The following TMEM108 variants were observed in gnomAD, a reference collection of about 807,000 sequenced individuals.
TMEM108 encodes the protein transmembrane protein 108, also known as cancer/testis antigen 124.
Under a neutral mutation model 35.1 loss-of-function variants are expected in TMEM108, and 12 were observed. That is an observed-to-expected ratio of 0.34 (90% CI 0.22 to 0.55). The LOEUF is 0.55. Ranked by LOEUF, TMEM108 falls within the 20% of genes least tolerant of loss-of-function variation. TMEM108 has a pLI of 0.89. For missense variants in TMEM108, 680 were observed against 753.3 expected (o/e 0.90, Z 1.14); for synonymous variants, 287 against 308.6 (o/e 0.93, Z 0.73).
chr3:133,106,767 C>G (rs1163479426), intron 2 of TMEM108, among the ~76,000 whole-genome samples: 1 of 152,208 alleles, frequency 6.6e-6, no homozygotes, highest in Non-Finnish European at 1.5e-5. Context: ...ATCATGAAAG[C>G]AGATATTCCA....
intron 3 of TMEM108, among the ~76,000 whole-genome samples, chr3:133,235,272 C>A (rs1490057028): frequency 2.0e-5 from 3 of 151,970 alleles, no homozygotes; most frequent in Admixed American, 2.0e-4. Flanking sequence ...CATATGGAAC[C>A]AAAAAAGAGC....
At chr3:133,215,780 T>G (rs1945899141) in intron 2 of TMEM108, among the ~76,000 whole-genome samples, 1 of 152,162 alleles carries the variant, frequency 6.6e-6, no homozygotes, top group Admixed American at 6.5e-5. Context: ...TTCCTAGTGC[T>G]TTTATGCTTT....
intron 3 of TMEM108, among the ~76,000 whole-genome samples, chr3:133,322,968 G>T (rs2107720887): frequency 6.6e-6 from 1 of 152,194 alleles, no homozygotes; most frequent in African/African-American, 2.4e-5. Context: ...CATCCTTTAT[G>T]ATTAAAACCC....
intron 3 of TMEM108, among the ~76,000 whole-genome samples, chr3:133,285,284 C>T (rs1009507075): frequency 6.6e-6 from 1 of 152,130 alleles, no homozygotes. Context: ...TAAAAGCAAT[C>T]GCTGATTTTG....
chr3:133,283,199 G>T (rs148160921), intron 3 of TMEM108, among the ~76,000 whole-genome samples: 1 of 152,126 alleles, frequency 6.6e-6, no homozygotes, highest in African/African-American at 2.4e-5. Flanking sequence ...GGTGGCGGTG[G>T]TTTATATCTA....
chr3:133,164,012 T>C (rs1030222934), intron 2 of TMEM108, among the ~76,000 whole-genome samples: 1 of 152,210 alleles, frequency 6.6e-6, no homozygotes, highest in Non-Finnish European at 1.5e-5. Flanking sequence ...TGCCCTTACC[T>C]AGGTTTCCAT....
intron 2 of TMEM108, among the ~76,000 whole-genome samples, chr3:133,196,204 G>A (rs943087661): frequency 1.3e-5 from 2 of 152,124 alleles, no homozygotes; most frequent in Non-Finnish European, 2.9e-5. Context: ...TTTGAAGGAG[G>A]TCACACTGGC....
intron 2 of TMEM108, among the ~76,000 whole-genome samples, chr3:133,114,662 G>C (rs991039141): frequency 4.6e-5 from 7 of 152,020 alleles, no homozygotes; most frequent in Admixed American, 1.3e-4. Context: ...AATGAGGGTT[G>C]CTTGTATTCA....
intron 5 of TMEM108, among the ~76,000 whole-genome samples, chr3:133,394,094 A>G (rs1156771652): frequency 6.6e-6 from 1 of 152,224 alleles, no homozygotes; most frequent in African/African-American, 2.4e-5. Flanking sequence ...GGCTCACACT[A>G]TATGAGGGTA....
chr3:133,087,168 T>C (rs968357546), intron 2 of TMEM108, among the ~76,000 whole-genome samples: 4 of 152,186 alleles, frequency 2.6e-5, no homozygotes, highest in Admixed American at 2.0e-4. Context: ...TCCCTTGTCA[T>C]GTCCTCCGAC....
chr3:133,042,280 T>A (rs1943285096), intron 1 of TMEM108, among the ~76,000 whole-genome samples: 1 of 152,238 alleles, frequency 6.6e-6, no homozygotes, highest in African/African-American at 2.4e-5. Flanking sequence ...GTTCCCATCC[T>A]ATGGCTTAGG....
chr3:133,109,348 C>G (rs906505814), intron 2 of TMEM108, among the ~76,000 whole-genome samples: 3 of 152,032 alleles, frequency 2.0e-5, no homozygotes, highest in Non-Finnish European at 4.4e-5. Flanking sequence ...TGAGGTACTG[C>G]CAGGCATAGT....
At chr3:133,210,085 A>C (rs1341818507) in intron 2 of TMEM108, among the ~76,000 whole-genome samples, 1 of 152,206 alleles carries the variant, frequency 6.6e-6, no homozygotes, top group Non-Finnish European at 1.5e-5. Context: ...GCTGTTTTGA[A>C]TATAACTTGC....
At chr3:133,319,094 C>G (rs369132064) in intron 3 of TMEM108, among the ~76,000 whole-genome samples, 8 of 152,186 alleles carry the variant, frequency 5.3e-5, no homozygotes, top group Admixed American at 3.3e-4. Flanking sequence ...CCCCACTTCC[C>G]TGGTGACAGA....
chr3:133,208,302 A>G (rs991559102), intron 2 of TMEM108, among the ~76,000 whole-genome samples: 1 of 152,124 alleles, frequency 6.6e-6, no homozygotes, highest in African/African-American at 2.4e-5. Context: ...ACCACGTGGT[A>G]ACATTACTGT....
At chr3:133,285,817 G>A (rs1024425911) in intron 3 of TMEM108, among the ~76,000 whole-genome samples, 5 of 152,086 alleles carry the variant, frequency 3.3e-5, no homozygotes, top group African/African-American at 1.2e-4. Context: ...CCCCATCACT[G>A]CTTTGCCTTT....
At chr3:133,118,107 A>T (rs1212948278) in intron 2 of TMEM108, among the ~76,000 whole-genome samples, 1 of 150,846 alleles carries the variant, frequency 6.6e-6, no homozygotes, top group African/African-American at 2.5e-5. Flanking sequence ...GTAGAGTACT[A>T]CCTCTAGGTT....
At chr3:133,163,927 C>A (rs1375932135) in intron 2 of TMEM108, among the ~76,000 whole-genome samples, 9 of 152,186 alleles carry the variant, frequency 5.9e-5, no homozygotes, top group Admixed American at 4.6e-4. Context: ...TCTCTGACAG[C>A]TACTTGTCTC....
chr3:133,310,300 G>T (rs1360127427), intron 3 of TMEM108, among the ~76,000 whole-genome samples: 3 of 152,056 alleles, frequency 2.0e-5, no homozygotes, highest in Non-Finnish European at 2.9e-5. Flanking sequence ...TTGACAGTGG[G>T]TTGTTAAAGT....
Sources: gnomAD v4.1 joint callset for allele counts (sites outside exome capture counted in the v4.1 genomes callset) on GRCh38, gnomAD v4.1.1 for gene constraint, MANE v1.5 for transcripts, NCBI Gene and HGNC (gene_info 2026-07-23, HGNC 2026-07-21) for gene names.